CNTLN: variants seen among roughly 807,000 people sequenced by gnomAD.
The protein encoded by CNTLN is centlein, centrosomal protein.
A neutral mutation model predicts 180.0 loss-of-function variants in CNTLN; 212 were observed. The observed-to-expected ratio is 1.18, with a 90% CI of 1.05 to 1.32. The LOEUF is 1.32. CNTLN is among the 40% of genes most tolerant of loss of function. The pLI is 0.00. For missense variants in CNTLN, 2,095 were observed against 1,610.9 expected (o/e 1.30, Z -5.14); for synonymous variants, 722 against 563.1 (o/e 1.28, Z -3.99).
chr9:17,148,187 C>T (rs1818588229), intron 2 of CNTLN, among the ~76,000 whole-genome samples: 2 of 152,176 alleles, frequency 1.3e-5, no homozygotes, highest in South Asian at 2.1e-4. Flanking sequence ...TCTCTCTCTC[C>T]TTCTACCACT....
rs1205705005 is a variant in CNTLN at position 17,135,362 on chromosome 9, G to T, written c.297G>T (p.Val99=). The T allele has an allele frequency of 6.2e-7, 1 of 1,600,328 alleles. No individual in the cohort carries two copies. Among genetic ancestry groups the T allele is most frequent in the Non-Finnish European group, 8.5e-7 (1 of 1,174,404 alleles). Residue 99 remains valine (V), a synonymous_variant, in exon 1 of 26, where the codon GTG becomes GTT. Transcript: ENST00000380647. ...GCATCTCGGTAGAGGAGGCGATGGTGACCCGGACGCAGCTGCTGGAGGAAG... is the reference window on the plus strand; with the variant it reads ...GCATCTCGGTAGAGGAGGCGATGGTTACCCGGACGCAGCTGCTGGAGGAAG... ...LEGISVEEAM[V]TRTQLLEEEL... is the part of the protein sequence containing the mutation.
Position 17,366,028 on chromosome 9 carries a change from A to C in CNTLN, c.1887-589A>C, listed in dbSNP as rs142114541. 1.5e-3 allele frequency among the ~76,000 whole-genome samples: 233 copies of C among 152,314 alleles called. 1 individual carries two copies. Among genetic ancestry groups the C allele is most frequent in the African/African-American group, 5.4e-3 (225 of 41,566 alleles). ...TGTATTTTAAGTGTTTAGCATGTTT[A>C]TTGAGATAAAGTTAACAGAAATAAC... On this transcript the variant is annotated intron_variant, in intron 12 of 25. Transcript: ENST00000380647.
chr9:17,308,427 T>C (rs143798538), intron 7 of CNTLN, among the ~76,000 whole-genome samples: 1 of 152,280 alleles, frequency 6.6e-6, no homozygotes, highest in African/African-American at 2.4e-5. Context: ...TGCTTGACTT[T>C]GTCTCTTACT....
At chr9:17,274,238 T>C (rs1054070630) in intron 6 of CNTLN, among the ~76,000 whole-genome samples, 11 of 152,014 alleles carry the variant, frequency 7.2e-5, no homozygotes, top group African/African-American at 2.4e-4. Flanking sequence ...TTATATTCTA[T>C]ATAGTTTGTT....
chr9:17,286,033 T>G lies in CNTLN; in HGVS notation c.984-12157T>G, dbSNP rs200912846. On this transcript the variant is annotated intron_variant, in intron 6 of 25. Transcript: ENST00000380647. ...AATTAGATCCCATTTGTCAATTTTG[T>G]CTTTTGTTGCCATTGCTTTTGGTGT... 2.2e-4 allele frequency among the ~76,000 whole-genome samples: 21 copies of G among 93,770 alleles called. No individual in the cohort carries two copies. In the South Asian group the frequency reaches 3.6e-3, roughly 16 times the overall value. The allele number at this position is 93,770 out of a possible 152,430, so 61.5% of individuals were successfully genotyped here.
intron 1 of CNTLN, among the ~76,000 whole-genome samples, chr9:17,139,083 A>T (rs1817910796): frequency 6.6e-6 from 1 of 151,866 alleles, no homozygotes; most frequent in Non-Finnish European, 1.5e-5. Flanking sequence ...AAGAATTATT[A>T]TTTTATTTTT....
chr9:17,180,265 C>T (rs1351022419), intron 2 of CNTLN, among the ~76,000 whole-genome samples: 6 of 145,044 alleles, frequency 4.1e-5, no homozygotes, highest in Non-Finnish European at 6.0e-5. Flanking sequence ...GCTATTGGAA[C>T]GCATTTTAGA....
At chr9:17,395,707 C>T (rs1232343464) in intron 15 of CNTLN, among the ~76,000 whole-genome samples, 1 of 152,066 alleles carries the variant, frequency 6.6e-6, no homozygotes, top group Non-Finnish European at 1.5e-5. Context: ...AAGATATGTA[C>T]CCCTAGTGAA....
At chr9:17,406,176 GTCTTTCTGTCAGTCATTACA>G (rs1452913510) in intron 15 of CNTLN, among the ~76,000 whole-genome samples, 7 of 151,724 alleles carry the variant, frequency 4.6e-5, no homozygotes, top group Non-Finnish European at 8.8e-5. Flanking sequence ...TTTGATTCCA[GTCTTTCTGTCAGTCATTACA>G]TCTACTCTGT....
At chr9:17,471,754 A>G (rs1408005510) in intron 23 of CNTLN, among the ~76,000 whole-genome samples, 1 of 152,052 alleles carries the variant, frequency 6.6e-6, no homozygotes, top group East Asian at 1.9e-4. Flanking sequence ...TCAGAGAGCA[A>G]CTGAGCAGAT....
intron 6 of CNTLN, among the ~76,000 whole-genome samples, chr9:17,291,995 T>G (rs186559257): frequency 1.6e-4 from 24 of 152,326 alleles, no homozygotes; most frequent in African/African-American, 4.8e-4. Flanking sequence ...GTAGGCCTGG[T>G]GGTGACTAAT....
At chr9:17,268,969 C>T (rs1281604359) in intron 5 of CNTLN, among the ~76,000 whole-genome samples, 1 of 152,116 alleles carries the variant, frequency 6.6e-6, no homozygotes, top group African/African-American at 2.4e-5. Context: ...AGGGAACTCC[C>T]TGACCCCTTG....
chr9:17,516,949 C>T, the CNTLN span, among the ~76,000 whole-genome samples: 1 of 152,140 alleles, frequency 6.6e-6, no homozygotes, highest in Admixed American at 6.5e-5. Flanking sequence ...ATCTTTCTAT[C>T]TCGAGCACAA....
intron 18 of CNTLN, among the ~76,000 whole-genome samples, chr9:17,451,123 G>A (rs1483116889): frequency 1.3e-5 from 2 of 152,070 alleles, no homozygotes; most frequent in Non-Finnish European, 2.9e-5. Flanking sequence ...CCCTTTAAAA[G>A]TATAATATTC....
chr9:17,168,852 G>T (rs1820251895), intron 2 of CNTLN, among the ~76,000 whole-genome samples: 1 of 152,104 alleles, frequency 6.6e-6, no homozygotes, highest in South Asian at 2.1e-4. Flanking sequence ...GTGATGAATT[G>T]TGAAGTTTTG....
intron 2 of CNTLN, among the ~76,000 whole-genome samples, chr9:17,155,363 TGG>T: frequency 6.6e-6 from 1 of 152,198 alleles, no homozygotes; most frequent in Non-Finnish European, 1.5e-5. Flanking sequence ...AATGCTGTGC[TGG>T]GAGGTCCGCT....
intron 5 of CNTLN, among the ~76,000 whole-genome samples, chr9:17,263,367 T>C (rs527573758): frequency 1.3e-5 from 2 of 151,044 alleles, no homozygotes; most frequent in Non-Finnish European, 2.9e-5. Flanking sequence ...ACAAAGGACA[T>C]GAACTCATCA....
chr9:17,223,928 C>T (rs1824303912), intron 2 of CNTLN, among the ~76,000 whole-genome samples: 1 of 151,992 alleles, frequency 6.6e-6, no homozygotes, highest in East Asian at 1.9e-4. Flanking sequence ...ATACCAATTG[C>T]TCTTGCTCTT....
At chr9:17,268,553 A>G (rs1020777167) in intron 5 of CNTLN, among the ~76,000 whole-genome samples, 4 of 151,394 alleles carry the variant, frequency 2.6e-5, no homozygotes, top group Non-Finnish European at 5.9e-5. Context: ...GAGAACCACT[A>G]CTCTCTTCAA....
Sources: gnomAD v4.1 joint callset for allele counts (sites outside exome capture counted in the v4.1 genomes callset) on GRCh38, gnomAD v4.1.1 for gene constraint, MANE v1.5 for transcripts, NCBI Gene and HGNC (gene_info 2026-07-23, HGNC 2026-07-21) for gene names.